TENM1: variants seen among roughly 807,000 people sequenced by gnomAD.
TENM1 encodes teneurin transmembrane protein 1, also known as teneurin-1.
Under a neutral mutation model 174.8 loss-of-function variants are expected in TENM1, and 35 were observed. The observed-to-expected ratio is 0.20, with a 90% confidence interval of 0.15 to 0.27. The LOEUF is 0.27. TENM1 is among the 10% of genes least tolerant of loss of function. The pLI, the probability that TENM1 is intolerant of heterozygous loss-of-function variation, is 1.00. For synonymous variants in TENM1, 781 were observed against 798.7 expected, an observed-to-expected ratio of 0.98 and a Z score of 0.37; for missense variants, 1,633 against 2,130.1, an observed-to-expected ratio of 0.77 and a Z score of 4.59.
At chrX:125,013,584 A>G in the TENM1 span, among the ~76,000 whole-genome samples, 1 of 111,871 alleles carries the variant, frequency 8.9e-6, no homozygotes, top group Non-Finnish European at 1.9e-5. Context: ...TCTTCTGCCA[A>G]AAAATTACCT....
chrX:124,793,000 T>C (rs1280159515), intron 3 of TENM1, among the ~76,000 whole-genome samples: 1 of 112,099 alleles, frequency 8.9e-6, no homozygotes, highest in East Asian at 2.8e-4. Context: ...AATATATAGA[T>C]TAGTCAATTA....
At chrX:125,164,077 G>A in the TENM1 span, among the ~76,000 whole-genome samples, 2 of 111,678 alleles carry the variant, frequency 1.8e-5, no homozygotes, top group African/African-American at 6.5e-5. Flanking sequence ...ATAATGAGCT[G>A]ATCTGGAGAG....
At chrX:125,086,683 A>AT in the TENM1 span, among the ~76,000 whole-genome samples, 4 of 111,046 alleles carry the variant, frequency 3.6e-5, no homozygotes, top group Admixed American at 9.7e-5. Context: ...TAGGGACTAC[A>AT]TTAATAGGCC....
At chrX:124,409,999 C>G (rs1367360613) in intron 25 of TENM1, among the ~76,000 whole-genome samples, 4 of 109,472 alleles carry the variant, frequency 3.7e-5, no homozygotes, top group Non-Finnish European at 5.7e-5. Flanking sequence ...TGACTTTCTT[C>G]ACAGAATTGG....
chrX:124,416,809 G>C (rs1447191025), intron 25 of TENM1, among the ~76,000 whole-genome samples: 1 of 111,925 alleles, frequency 8.9e-6, no homozygotes, highest in Non-Finnish European at 1.9e-5. Context: ...TAACAGGTGA[G>C]GCCTTTAGGA....
At chrX:125,131,960 C>T in the TENM1 span, among the ~76,000 whole-genome samples, 3 of 112,099 alleles carry the variant, frequency 2.7e-5, no homozygotes, top group Non-Finnish European at 5.6e-5. Context: ...ATATTTAGAA[C>T]GCAGAAAGTC....
At position 124,892,570 on chromosome X, in the gene TENM1, A is replaced by G. The variant is rs756325074; in HGVS notation, c.535+1726T>C. ...GTAATATTCTCCTAGGATGAATAGA[A>G]TAGTAAGCATCTTTGAAATTACTTC... On this transcript the variant is annotated intron_variant, in intron 3 of 31. Coordinates refer to ENST00000422452, the Ensembl canonical transcript of TENM1. Among the ~76,000 whole-genome samples the G allele has an allele frequency of 6.2e-5, 7 of 112,276 alleles. No homozygotes were observed. The South Asian group carries it at 2.6e-3, about 42-fold the overall frequency.
In TENM1 at chrX:124,561,737, A is replaced by G. The variant is rs772565171; in HGVS notation, c.2368T>C (p.Trp790Arg). The stretch of plus-strand genomic sequence containing the variant: ...ACAACATTGCAGCCTGTCCCACTCC[A>G]ACCCACCTGACACACACAGTGCCAA... Residue 790 changes from tryptophan to arginine, a missense_variant, in exon 14 of 32, where the codon TGG becomes CGG. By Grantham distance (101) the Trp-to-Arg change is moderately radical. This residue lies in a region of TENM1 where 449 missense variants were observed against 636.2 expected (regional missense o/e 0.71). Coordinates refer to ENST00000422452, the Ensembl canonical transcript of TENM1. 5 of 1,211,216 alleles carry G rather than the reference A, an allele frequency of 4.1e-6. No homozygotes were observed. The South Asian group carries it at 8.8e-5, about 21-fold the overall frequency.
At chrX:124,497,058 C>T in exon 20 of TENM1, 1 of 1,209,966 alleles carries the variant, frequency 8.3e-7, no homozygotes, top group Non-Finnish European at 1.1e-6. Context: ...GGGAAATATT[C>T]TCCTTACAAA....
intron 23 of TENM1, among the ~76,000 whole-genome samples, chrX:124,441,470 C>T (rs2147807796): frequency 8.9e-6 from 1 of 112,212 alleles, no homozygotes; most frequent in South Asian, 3.7e-4. Flanking sequence ...GTTAACAATG[C>T]CTTCCTGCTA....
chrX:124,648,608 G>A (rs7890341), intron 8 of TENM1, among the ~76,000 whole-genome samples: 11,335 of 111,718 alleles, frequency 0.1, 1,175 homozygotes, highest in African/African-American at 0.32. Flanking sequence ...AAGGCATAAA[G>A]AGACTTTTTA....
At chrX:125,164,876 G>A in the TENM1 span, among the ~76,000 whole-genome samples, 62 of 111,529 alleles carry the variant, frequency 5.6e-4, no homozygotes, top group African/African-American at 7.8e-4. Context: ...TCCTGAGTAC[G>A]GTAAGTTTCT....
chrX:124,795,592 C>T (rs2055286479), intron 3 of TENM1, among the ~76,000 whole-genome samples: 1 of 111,514 alleles, frequency 9.0e-6, no homozygotes, highest in Admixed American at 9.6e-5. Context: ...TTAGTGCCTA[C>T]TATACTTGTG....
At chrX:125,059,588 C>T in the TENM1 span, among the ~76,000 whole-genome samples, 1 of 111,311 alleles carries the variant, frequency 9.0e-6, no homozygotes, top group African/African-American at 3.3e-5. Context: ...CTCTGACCGA[C>T]ATCTCCTCAT....
chrX:124,870,214 C>A (rs919402043), intron 3 of TENM1, among the ~76,000 whole-genome samples: 4 of 111,671 alleles, frequency 3.6e-5, no homozygotes, highest in African/African-American at 1.3e-4. Flanking sequence ...AAATCATATA[C>A]CAAAAGTTAC....
At chrX:124,976,526 T>C in the TENM1 span, among the ~76,000 whole-genome samples, 1 of 112,011 alleles carries the variant, frequency 8.9e-6, no homozygotes, top group African/African-American at 3.2e-5. Flanking sequence ...CTACAGAGCA[T>C]CTGAAAAAGT....
chrX:125,094,147 G>A, the TENM1 span, among the ~76,000 whole-genome samples: 1 of 112,147 alleles, frequency 8.9e-6, no homozygotes, highest in Non-Finnish European at 1.9e-5. Flanking sequence ...TTGTACCAGC[G>A]TCCCTGAGGC....
At chrX:124,770,326 C>T (rs2054623891) in intron 3 of TENM1, among the ~76,000 whole-genome samples, 1 of 111,532 alleles carries the variant, frequency 9.0e-6, no homozygotes, top group South Asian at 3.7e-4. Context: ...TTATATTTCA[C>T]ACCAGTACAG....
chrX:124,420,910 C>A, intron 24 of TENM1, 89 bp from the exon 28 acceptor site: 1 of 885,305 alleles, frequency 1.1e-6, no homozygotes, highest in South Asian at 2.5e-5. Flanking sequence ...CATCAAGAAT[C>A]ATTTTAAAGG....
Sources: gnomAD v4.1 joint callset for allele counts (sites outside exome capture counted in the v4.1 genomes callset) on GRCh38, gnomAD v4.1.1 for gene constraint, gnomAD v4.1.1 regional missense constraint, MANE v1.5 for transcripts, NCBI Gene and HGNC (gene_info 2026-07-23, HGNC 2026-07-21) for gene names.